Variants in DLG2 observed in about 807,000 individuals in gnomAD.
DLG2 encodes disks large homolog 2.
DLG2 carries 45 observed loss-of-function variants against 132.5 expected under a neutral mutation model. The observed-to-expected ratio is 0.34, with a 90% confidence interval of 0.27 to 0.44. The LOEUF (loss-of-function observed/expected upper bound fraction) is 0.44. Among genes scored for constraint, DLG2 ranks in the 20% least tolerant of loss-of-function variants. The pLI, the probability that DLG2 is intolerant of heterozygous loss-of-function variation, is 1.00. For synonymous variants in DLG2, 424 were observed against 419.6 expected (o/e 1.01, Z -0.13); for missense variants, 1,045 against 1,196.9 (o/e 0.87, Z 1.87).
chr11:84,432,336 G>C (rs1602014824), intron 7 of DLG2, among the ~76,000 whole-genome samples: 1 of 152,164 alleles, frequency 6.6e-6, no homozygotes, highest in Non-Finnish European at 1.5e-5. Flanking sequence ...AGAGGTACAA[G>C]GTATGATGAC....
chr11:83,984,242 C>T (rs1413750565), intron 11 of DLG2, among the ~76,000 whole-genome samples: 1 of 151,334 alleles, frequency 6.6e-6, no homozygotes, highest in African/African-American at 2.4e-5. Flanking sequence ...AGATAAAAAT[C>T]GAGTAACATT....
At position 85,265,354 on chromosome 11, in the gene DLG2, C is replaced by A. The variant is rs76788893; in HGVS notation, c.186+19866G>T. On this transcript the variant is annotated intron_variant, in intron 4 of 27. Transcript: ENST00000376104. ...ATATCAGTTCCATCTTCAAAACAAT[C>A]ATAAAGGCAAATTTTTTTATATTTA... is the stretch of plus-strand genomic sequence containing the variant. 2.9e-3 allele frequency among the ~76,000 whole-genome samples: 436 copies of A among 152,302 alleles called. 2 individuals are homozygous for A. The highest frequency in any genetic ancestry group is 0.01 in the African/African-American group (420 of 41,560).
intron 3 of DLG2, among the ~76,000 whole-genome samples, chr11:85,391,927 G>T (rs115652116): frequency 7.3e-4 from 111 of 152,178 alleles, no homozygotes; most frequent in African/African-American, 2.6e-3. Flanking sequence ...AGTACTAGAA[G>T]CCCTAGCCAG....
At chr11:85,152,690 T>C (rs2077335649) in intron 5 of DLG2, among the ~76,000 whole-genome samples, 1 of 152,228 alleles carries the variant, frequency 6.6e-6, no homozygotes, top group Admixed American at 6.5e-5. Context: ...AACATTCAAA[T>C]AGTAAGTGTA....
chr11:84,055,400 T>G (rs1286200984), intron 11 of DLG2, among the ~76,000 whole-genome samples: 1 of 152,152 alleles, frequency 6.6e-6, no homozygotes, highest in East Asian at 1.9e-4. Flanking sequence ...TTTTATCATG[T>G]GTCACTCATG....
chr11:84,102,298 C>T (rs999320594), intron 9 of DLG2, among the ~76,000 whole-genome samples: 9 of 152,156 alleles, frequency 5.9e-5, no homozygotes, highest in Admixed American at 5.9e-4. Flanking sequence ...GTGTAGTATT[C>T]ATCTTTGTTT....
intron 20 of DLG2, among the ~76,000 whole-genome samples, chr11:83,536,990 T>C (rs1057217565): frequency 2.0e-5 from 3 of 152,140 alleles, no homozygotes; most frequent in Non-Finnish European, 2.9e-5. Context: ...CCTAAAGAAA[T>C]TGTGGACCAC....
chr11:83,595,401 G>T (rs555900996), intron 19 of DLG2, among the ~76,000 whole-genome samples: 1 of 152,166 alleles, frequency 6.6e-6, no homozygotes, highest in South Asian at 2.1e-4. Context: ...TGTGTTCCAG[G>T]CATTAAATGA....
intron 6 of DLG2, among the ~76,000 whole-genome samples, chr11:84,742,386 T>G (rs2064799486): frequency 6.6e-6 from 1 of 152,154 alleles, no homozygotes; most frequent in African/African-American, 2.4e-5. Context: ...AGGAAGAATT[T>G]CAAAAACAGC....
intron 8 of DLG2, among the ~76,000 whole-genome samples, chr11:84,188,714 T>A (rs565252406): frequency 2.6e-5 from 4 of 152,276 alleles, no homozygotes; most frequent in African/African-American, 9.6e-5. Context: ...CTCCTCCCAC[T>A]TCTTCAACGG....
chr11:84,174,548 T>C (rs2095904023), intron 8 of DLG2, among the ~76,000 whole-genome samples: 2 of 152,192 alleles, frequency 1.3e-5, no homozygotes, highest in East Asian at 3.9e-4. Context: ...AATGCCTTAA[T>C]GCAATTTATG....
At chr11:85,451,087 T>C (rs2092224558) in intron 3 of DLG2, among the ~76,000 whole-genome samples, 1 of 152,182 alleles carries the variant, frequency 6.6e-6, no homozygotes, top group Non-Finnish European at 1.5e-5. Flanking sequence ...TACCTACATG[T>C]CTGCCTGTAC....
chr11:84,695,565 T>C (rs1452478837), intron 6 of DLG2, among the ~76,000 whole-genome samples: 2 of 151,624 alleles, frequency 1.3e-5, no homozygotes, highest in African/African-American at 4.8e-5. Flanking sequence ...AATAGCTTTG[T>C]CAGAAAGCAT....
chr11:84,242,988 T>C (rs1343203377), intron 8 of DLG2, among the ~76,000 whole-genome samples: 1 of 121,926 alleles, frequency 8.2e-6, no homozygotes, highest in Non-Finnish European at 1.7e-5. Flanking sequence ...TGATGATTAA[T>C]TAGGTTCTCT....
At chr11:85,463,014 C>T (rs1223638794) in intron 3 of DLG2, among the ~76,000 whole-genome samples, 1 of 152,126 alleles carries the variant, frequency 6.6e-6, no homozygotes, top group African/African-American at 2.4e-5. Flanking sequence ...CAGCCATCTG[C>T]CCAAGGGGAG....
chr11:84,585,270 T>A (rs902367284), intron 6 of DLG2, among the ~76,000 whole-genome samples: 8 of 152,212 alleles, frequency 5.3e-5, no homozygotes, highest in East Asian at 1.9e-4. Context: ...TTAGGATTAC[T>A]TTTTTAATAA....
At chr11:84,537,653 T>G (rs1434981909) in intron 6 of DLG2, among the ~76,000 whole-genome samples, 1 of 152,170 alleles carries the variant, frequency 6.6e-6, no homozygotes, top group Admixed American at 6.5e-5. Context: ...CAATTACAAC[T>G]CTTGTCATGC....
intron 7 of DLG2, among the ~76,000 whole-genome samples, chr11:84,353,760 G>A: frequency 6.6e-6 from 1 of 152,148 alleles, no homozygotes; most frequent in East Asian, 1.9e-4. Context: ...CACCCTGACT[G>A]TGTTCTGTCT....
At chr11:83,526,503 T>C (rs2140834600) in intron 21 of DLG2, among the ~76,000 whole-genome samples, 1 of 152,238 alleles carries the variant, frequency 6.6e-6, no homozygotes, top group East Asian at 1.9e-4. Context: ...TACAGATGAG[T>C]AGATTCAGAT....
Sources: allele counts gnomAD v4.1 joint callset (sites outside exome capture counted in the v4.1 genomes callset), GRCh38; gene constraint gnomAD v4.1.1; transcripts MANE v1.5; gene names NCBI Gene and HGNC (gene_info 2026-07-23, HGNC 2026-07-21).